The following GRM5 variants were observed in gnomAD, a reference collection of about 807,000 sequenced individuals.
GRM5 encodes metabotropic glutamate receptor 5.
A neutral mutation model predicts 83.1 loss-of-function variants in GRM5; 19 were observed. The observed-to-expected ratio is 0.23, with a 90% confidence interval of 0.16 to 0.34. GRM5 has a LOEUF of 0.34. Among genes scored for constraint, GRM5 ranks in the 10% least tolerant of loss-of-function variants. GRM5 has a pLI of 1.00. For synonymous variants in GRM5, 675 were observed against 633.6 expected (o/e 1.07, Z -0.98); for missense variants, 1,160 against 1,588.3 (o/e 0.73, Z 4.58).
chr11:88,806,526 G>A (rs1943501238), intron 3 of GRM5, among the ~76,000 whole-genome samples: 1 of 152,064 alleles, frequency 6.6e-6, no homozygotes, highest in Non-Finnish European at 1.5e-5. Context: ...AAGTTCTAGA[G>A]GCAAGAAAGT....
chr11:88,984,328 A>G (rs1939621557), intron 2 of GRM5, among the ~76,000 whole-genome samples: 1 of 152,112 alleles, frequency 6.6e-6, no homozygotes, highest in African/African-American at 2.4e-5. Context: ...ATATATGTAA[A>G]CACTTATCAT....
chr11:89,062,977 T>C (rs1445372937), intron 1 of GRM5, among the ~76,000 whole-genome samples: 1 of 152,268 alleles, frequency 6.6e-6, no homozygotes, highest in East Asian at 1.9e-4. Context: ...CTCAGGCTGG[T>C]GTTCAAAGAG....
intron 2 of GRM5, among the ~76,000 whole-genome samples, chr11:88,953,544 T>C (rs1380687909): frequency 1.3e-5 from 2 of 152,188 alleles, no homozygotes; most frequent in African/African-American, 4.8e-5. Context: ...GCTGACCTCT[T>C]CTAAACTATA....
chr11:88,782,750 C>T (rs952956882), intron 3 of GRM5, among the ~76,000 whole-genome samples: 2 of 151,906 alleles, frequency 1.3e-5, no homozygotes, highest in African/African-American at 4.8e-5. Context: ...AATATAATTC[C>T]CAAATAATTA....
chr11:88,597,696 G>C (rs1012908780), intron 5 of GRM5, among the ~76,000 whole-genome samples: 6 of 152,042 alleles, frequency 3.9e-5, no homozygotes, highest in African/African-American at 1.4e-4. Flanking sequence ...CTGTATTCAA[G>C]TAAAATGATA....
At chr11:88,891,417 T>A (rs918512027) in intron 2 of GRM5, among the ~76,000 whole-genome samples, 2 of 152,038 alleles carry the variant, frequency 1.3e-5, no homozygotes, top group Non-Finnish European at 2.9e-5. Flanking sequence ...GTTTCGAAAT[T>A]GTCTTTCCTG....
chr11:88,703,339 C>A (rs771132525), intron 3 of GRM5, among the ~76,000 whole-genome samples: 65 of 151,912 alleles, frequency 4.3e-4, no homozygotes, highest in Non-Finnish European at 8.4e-4. Flanking sequence ...TAATTGCAAT[C>A]TTTTGCAAAG....
At chr11:88,606,996 A>G (rs1373107173) in intron 4 of GRM5, among the ~76,000 whole-genome samples, 4 of 144,370 alleles carry the variant, frequency 2.8e-5, no homozygotes, top group African/African-American at 5.1e-5. Context: ...CAAAGGTAGT[A>G]TGTTGTTTTA....
intron 3 of GRM5, among the ~76,000 whole-genome samples, chr11:88,814,211 A>G (rs749181806): frequency 2.0e-5 from 3 of 152,222 alleles, no homozygotes; most frequent in Non-Finnish European, 2.9e-5. Context: ...AACAAACAAG[A>G]TGAACCCTAC....
chr11:89,008,765 A>T (rs1940600328), intron 2 of GRM5, among the ~76,000 whole-genome samples: 1 of 152,166 alleles, frequency 6.6e-6, no homozygotes, highest in Non-Finnish European at 1.5e-5. Context: ...TCTTCACATT[A>T]CACTACAAAT....
intron 3 of GRM5, among the ~76,000 whole-genome samples, chr11:88,803,479 C>T (rs1339720916): frequency 6.6e-6 from 1 of 151,648 alleles, no homozygotes; most frequent in Non-Finnish European, 1.5e-5. Flanking sequence ...AACTGGCTAG[C>T]CATATGTAGA....
intron 8 of GRM5, among the ~76,000 whole-genome samples, chr11:88,549,011 T>C (rs1942443692): frequency 6.6e-6 from 1 of 152,148 alleles, no homozygotes; most frequent in African/African-American, 2.4e-5. Flanking sequence ...CAATATAACC[T>C]GATGAGTTTT....
intron 4 of GRM5, among the ~76,000 whole-genome samples, chr11:88,641,902 C>A (rs945014912): frequency 7.9e-5 from 12 of 152,158 alleles, no homozygotes; most frequent in Non-Finnish European, 1.3e-4. Context: ...AGTGGATCTA[C>A]CATTCTGGGG....
At chr11:88,628,391 T>C (rs1272200324) in intron 4 of GRM5, among the ~76,000 whole-genome samples, 1 of 152,172 alleles carries the variant, frequency 6.6e-6, no homozygotes, top group Non-Finnish European at 1.5e-5. Context: ...ATAAAGAAGA[T>C]ATGAAAGAAA....
intron 2 of GRM5, among the ~76,000 whole-genome samples, chr11:88,966,798 G>A (rs686243): frequency 0.12 from 17,539 of 152,112 alleles, 3,289 homozygotes; most frequent in African/African-American, 0.39. Flanking sequence ...GGAAGGAAGT[G>A]TACACAAATG....
rs541612447 is a variant in GRM5 at position 88,971,895 on chromosome 11, C to T, written c.661+75317G>A. ...CTCCAGGGCTGAGGCAGGGAAAATA[C>T]AAGATGATCTGGTAACATCCTGTTG... is the stretch of plus-strand genomic sequence containing the variant. On this transcript the variant is annotated intron_variant, in intron 2 of 9. Transcript: ENST00000305447. Among the ~76,000 whole-genome samples, 14 of 152,172 alleles carry T rather than the reference C, an allele frequency of 9.2e-5. No individual in the cohort carries two copies. In the South Asian group the frequency reaches 2.7e-3, roughly 29 times the overall value.
chr11:88,847,343 A>G (rs180762772), intron 3 of GRM5, among the ~76,000 whole-genome samples: 145 of 152,306 alleles, frequency 9.5e-4, no homozygotes, highest in African/African-American at 3.4e-3. Flanking sequence ...TACATATAGT[A>G]AACACTCAAC....
At chr11:88,566,633 T>G (rs113754989) in intron 8 of GRM5, among the ~76,000 whole-genome samples, 1,620 of 152,308 alleles carry the variant, frequency 0.011, 13 homozygotes, top group Middle Eastern at 0.024. Context: ...CAGTCTGATG[T>G]GTCGAGTTCT....
chr11:89,064,915 TGAGAGA>T (rs67948422), intron 1 of GRM5, among the ~76,000 whole-genome samples: 1 of 57,964 alleles, frequency 1.7e-5, no homozygotes, highest in African/African-American at 6.4e-5. Flanking sequence ...TGTGTGTGTG[TGAGAGA>T]GAGAGAGAGA....
Sources: gnomAD v4.1 joint callset for allele counts (sites outside exome capture counted in the v4.1 genomes callset) on GRCh38, gnomAD v4.1.1 for gene constraint, MANE v1.5 for transcripts, NCBI Gene and HGNC (gene_info 2026-07-23, HGNC 2026-07-21) for gene names.